RBM33: variants seen among roughly 807,000 people sequenced by gnomAD.
RBM33 encodes the protein RNA binding motif protein 33.
A neutral mutation model predicts 132.6 loss-of-function variants in RBM33; 28 were observed. The ratio of observed to expected loss-of-function variants is 0.21; its 90% CI spans 0.16 to 0.29. The LOEUF (loss-of-function observed/expected upper bound fraction) is 0.29. Among genes scored for constraint, RBM33 ranks in the 10% least tolerant of loss-of-function variants. The probability of loss-of-function intolerance (pLI) is 1.00; values close to 1 mark genes in which losing one functional copy is unlikely to be tolerated. For synonymous variants in RBM33, 634 were observed against 593.0 expected (o/e 1.07, Z -1.01); for missense variants, 1,291 against 1,518.5 (o/e 0.85, Z 2.49).
chr7:155,775,155 T>C lies in RBM33; in HGVS notation c.*114T>C, dbSNP rs760914613. 8.4e-5 allele frequency: 78 copies of C among 926,792 alleles called. 1 individual carries two copies. The highest frequency in any genetic ancestry group is 1.3e-4 in the Non-Finnish European group (75 of 564,740). The allele number at this position is 926,792 out of a possible 1,614,324, so 57.4% of individuals were successfully genotyped here. A position where few individuals can be genotyped will look rare whatever the true frequency, so the allele number is the denominator to read the frequency against. ...CACAGGTCTCTCCGGGCCGCTGTCC[T>C]GCGTAACTGTTCTCCAGAGCGCCAG... On this transcript the variant is annotated 3_prime_UTR_variant, in exon 18 of 18. Coordinates refer to ENST00000401878, the MANE Select transcript of RBM33 (RefSeq NM_053043.3).
chr7:155,673,768 G>GCACACACACA (rs369116329), intron 3 of RBM33, among the ~76,000 whole-genome samples: 5,424 of 132,900 alleles, frequency 0.041, 226 homozygotes, highest in South Asian at 0.061. Context: ...GCGCATGCGC[G>GCACACACACA]CACACACACA....
intron 14 of RBM33, among the ~76,000 whole-genome samples, chr7:155,755,923 G>C (rs1308364081): frequency 1.3e-5 from 2 of 151,932 alleles, no homozygotes; most frequent in African/African-American, 4.8e-5. Flanking sequence ...AGTCTAAAAA[G>C]CGATTTTTAT....
chr7:155,689,321 C>T (rs965722571), intron 5 of RBM33, among the ~76,000 whole-genome samples: 45 of 151,418 alleles, frequency 3.0e-4, no homozygotes, highest in African/African-American at 7.3e-4. Flanking sequence ...TGGTGATATC[C>T]GCTTTATCAT....
In RBM33 at chr7:155,737,582, G is replaced by A. The variant is rs1443988101; in HGVS notation, c.1313G>A (p.Ser438Asn). The A allele has an allele frequency of 2.5e-6, 4 of 1,613,058 alleles. No individual in the cohort carries two copies. Among genetic ancestry groups the A allele is most frequent in the Non-Finnish European group, 1.7e-6 (2 of 1,179,634 alleles). The change falls in exon 10 of 18, where the codon AGC becomes AAC. Residue 438 changes from serine to asparagine, a missense_variant. Around this residue, in one of 7 missense-constraint regions of RBM33, gnomAD observed 841 missense variants for 912.0 expected, o/e 0.92. Transcript: ENST00000401878. ...HTPGPVPNSF[S>N]QPPRLPLQDQ... Reference sequence around the variant, plus strand: ...CCTGGACCTGTTCCCAACAGTTTCAGCCAGCCCCCACGACTCCCTCTCCAG... The same window carrying A: ...CCTGGACCTGTTCCCAACAGTTTCAACCAGCCCCCACGACTCCCTCTCCAG...
chr7:155,720,410 T>G (rs1288083766), intron 9 of RBM33, among the ~76,000 whole-genome samples: 1 of 152,208 alleles, frequency 6.6e-6, no homozygotes, highest in Non-Finnish European at 1.5e-5. Flanking sequence ...ATTGTGTTTT[T>G]AAAAAGCCCA....
intron 1 of RBM33, among the ~76,000 whole-genome samples, chr7:155,662,270 A>G (rs1378140335): frequency 1.3e-5 from 2 of 152,112 alleles, no homozygotes; most frequent in Non-Finnish European, 2.9e-5. Flanking sequence ...GATACTGTCC[A>G]TGGTTCGTGT....
chr7:155,741,988 C>T lies in RBM33; in HGVS notation c.2219C>T (p.Ala740Val), dbSNP rs377324372. Residue 740 changes from alanine (A) to valine (V), a missense_variant, in exon 13 of 18, where the codon GCG becomes GTG. Coordinates refer to ENST00000401878, the MANE Select transcript of RBM33 (RefSeq NM_053043.3). ...GCACAAGTGAAACCTATCGTCAGCG[C>T]GTCACCACCCTCGCGGGCCGTGGCG... ...PSAQVKPIVS[A>V]SPPSRAVAGS... The T allele has an allele frequency of 3.1e-5, 50 of 1,613,848 alleles. No individual in the cohort carries two copies. Among genetic ancestry groups the T allele is most frequent in the African/African-American group, 1.1e-4 (8 of 74,912 alleles).
intron 5 of RBM33, among the ~76,000 whole-genome samples, chr7:155,688,035 G>C (rs1799528199): frequency 6.6e-6 from 1 of 152,082 alleles, no homozygotes; most frequent in South Asian, 2.1e-4. Flanking sequence ...AGCTTGATGG[G>C]GATGGCATTG....
At chr7:155,667,135 C>T (rs185361268) in intron 2 of RBM33, among the ~76,000 whole-genome samples, 8 of 152,104 alleles carry the variant, frequency 5.3e-5, no homozygotes, top group Admixed American at 1.3e-4. Flanking sequence ...ATGCCACTTC[C>T]GAATGCTTCA....
In RBM33 at chr7:155,739,711, G is replaced by A. The variant is rs117718054; in HGVS notation, c.1738-4G>A. 11,478 of 1,542,668 alleles carry A rather than the reference G, an allele frequency of 7.4e-3. 65 individuals carry two copies. The highest frequency in any genetic ancestry group is 0.015 in the Middle Eastern group (88 of 5,926). On this transcript the variant is annotated splice_region_variant and splice_polypyrimidine_tract_variant and intron_variant, in intron 11 of 17. Coordinates refer to ENST00000401878, the MANE Select transcript of RBM33 (RefSeq NM_053043.3). Reference sequence around the variant, plus strand: ...TGTTGTTTCTCTTTCTTTGGAAATGGAAGGGGCCGTTGCATCCTCCATTGC... The same window carrying A: ...TGTTGTTTCTCTTTCTTTGGAAATGAAAGGGGCCGTTGCATCCTCCATTGC...
Position 155,739,846 on chromosome 7 carries a change from C to T in RBM33, c.1869C>T (p.Pro623=). The T allele has an allele frequency of 6.7e-7, 1 of 1,494,528 alleles. No homozygotes were observed. Among genetic ancestry groups the T allele is most frequent in the Non-Finnish European group, 9.0e-7 (1 of 1,105,426 alleles). The allele number at this position is 1,494,528 out of a possible 1,614,324, so 92.6% of individuals were successfully genotyped here. A position where few individuals can be genotyped will look rare whatever the true frequency, so the allele number is the denominator to read the frequency against. The change falls in exon 12 of 18, where the codon CCC becomes CCT. Residue 623 remains proline, a synonymous_variant. Transcript: ENST00000401878. ...CCCCGCCCCAGCACCAGCCCCCACC[C>T]CAGCACCCACCACAGCACCCGCCGC... ...HQPPPQHQPP[P]QHPPQHPPQH...
Position 155,778,777 on chromosome 7 carries a change from T to C in RBM33, c.*3736T>C, listed in dbSNP as rs1468819467. The C allele has an allele frequency of 6.6e-6, 1 of 152,550 alleles. No homozygotes were observed. Among genetic ancestry groups the C allele is most frequent in the Non-Finnish European group, 1.5e-5 (1 of 68,144 alleles). The allele number at this position is 152,550 out of a possible 1,614,324, so 9.4% of individuals were successfully genotyped here. On this transcript the variant is annotated 3_prime_UTR_variant, in exon 18 of 18. Transcript: ENST00000401878. The surrounding 1 kb of genome is among the most constrained non-coding windows in gnomAD (Gnocchi z 4.0). ...TGTTTTTGTTTTGTTCTGTTTGTTT[T>C]GTTTTGTATTTCTTTGTTATTTTAT...
chr7:155,771,189 C>T (rs1802415202), intron 16 of RBM33, among the ~76,000 whole-genome samples: 1 of 152,196 alleles, frequency 6.6e-6, no homozygotes, highest in Non-Finnish European at 1.5e-5. Flanking sequence ...AGTTTTAACT[C>T]TATGATAGCG....
chr7:155,699,526 C>T (rs564698933), intron 5 of RBM33, among the ~76,000 whole-genome samples: 10 of 152,272 alleles, frequency 6.6e-5, no homozygotes, highest in South Asian at 2.1e-4. Flanking sequence ...ACAGAAATAA[C>T]GGTATCAAAC....
At chr7:155,660,731 T>G (rs941145361) in intron 1 of RBM33, among the ~76,000 whole-genome samples, 1 of 152,252 alleles carries the variant, frequency 6.6e-6, no homozygotes, top group African/African-American at 2.4e-5. Context: ...GTTGAGTTTA[T>G]TATCATTTGA....
intron 14 of RBM33, among the ~76,000 whole-genome samples, chr7:155,759,563 G>A (rs924656166): frequency 6.5e-4 from 98 of 151,924 alleles, no homozygotes; most frequent in African/African-American, 2.2e-3. Flanking sequence ...GACTACAGGC[G>A]CCCGCCACCG....
rs191665197 is a variant in RBM33 at position 155,752,394 on chromosome 7, G to A, written c.2979+6792G>A. Among the ~76,000 whole-genome samples the A allele has an allele frequency of 6.9e-3, 1,056 of 152,234 alleles. 15 individuals carry two copies. The highest frequency in any genetic ancestry group is 0.024 in the African/African-American group (992 of 41,526). ...GTATTTTTTGAAATAGGTCATTGGT[G>A]GGAATTAGGAAGTAATTTTTGCTAT... is the stretch of plus-strand genomic sequence containing the variant. On this transcript the variant is annotated intron_variant, in intron 14 of 17. Transcript: ENST00000401878.
Position 155,745,501 on chromosome 7 carries a change from A to C in RBM33, c.2878A>C (p.Lys960Gln). 6.2e-7 allele frequency: 1 copy of C among 1,613,480 alleles called. No individual in the cohort carries two copies. The highest frequency in any genetic ancestry group is 2.2e-5 in the East Asian group (1 of 44,860). ...CATCCAGGGCCGGCCCCAGGACACA[A>C]AGCCTGGCGTGAAAAGGACTGTCAC... ...ASIQGRPQDT[K>Q]PGVKRTVTHR... is the part of the protein sequence containing the mutation. The change falls in exon 14 of 18, where the codon AAG (lysine) becomes CAG (glutamine). Residue 960 changes from lysine to glutamine, a missense_variant. Coordinates refer to ENST00000401878, the MANE Select transcript of RBM33 (RefSeq NM_053043.3). This position sits in a 1 kb window ranked among gnomAD's most constrained non-coding sequence, Gnocchi z 4.1.
chr7:155,703,303 T>G (rs1478960590), intron 6 of RBM33, among the ~76,000 whole-genome samples: 1 of 152,216 alleles, frequency 6.6e-6, no homozygotes, highest in Non-Finnish European at 1.5e-5. Flanking sequence ...CATGTAATTC[T>G]GGGACAAGAA....
Sources: gnomAD v4.1 joint callset for allele counts (sites outside exome capture counted in the v4.1 genomes callset) on GRCh38, gnomAD v4.1.1 for gene constraint, gnomAD v4.1.1 regional missense constraint, Gnocchi (gnomAD v3.1) non-coding constraint, MANE v1.5 for transcripts, NCBI Gene and HGNC (gene_info 2026-07-23, HGNC 2026-07-21) for gene names.